Variants in FAM83A observed in about 807,000 individuals in gnomAD.
FAM83A encodes the protein scaffolding CK1 anchoring protein A.
A neutral mutation model predicts 24.4 loss-of-function variants in FAM83A; 21 were observed. The observed-to-expected ratio is 0.86, with a 90% confidence interval of 0.61 to 1.24. FAM83A has a LOEUF of 1.24. Ranked by LOEUF, FAM83A falls within the 50% of genes most tolerant of loss-of-function variation. The pLI, the probability that FAM83A is intolerant of heterozygous loss-of-function variation, is 0.00. For synonymous variants in FAM83A, 270 were observed against 252.4 expected, an observed-to-expected ratio of 1.07 and a Z score of -0.66; for missense variants, 617 against 579.8, an observed-to-expected ratio of 1.06 and a Z score of -0.66.
intron 3 of FAM83A, 41 bp from the exon 4 acceptor site, chr8:123,207,116 C>G: frequency 1.3e-6 from 1 of 782,468 alleles, no homozygotes; most frequent in Non-Finnish European, 1.8e-6. Context: ...CCCCATCCTT[C>G]CCCCTTCTCC....
At position 123,193,450 on chromosome 8, in the gene FAM83A, CT is replaced by C. The variant is rs369184825; in HGVS notation, c.649-565del. Among the ~76,000 whole-genome samples the C allele has an allele frequency of 3.9e-3, 593 of 151,452 alleles. 5 individuals carry two copies. The highest frequency in any genetic ancestry group is 0.02 in the South Asian group (94 of 4,786). ...GCCTTATTTGAATTCTACCACCTTC[CT>C]TTTTTTTTGTTGCCAGCTGATGCCA... On this transcript the variant is annotated intron_variant, in intron 2 of 3. Transcript: ENST00000690554.
At chr8:123,181,147 A>T (rs1453573342), upstream of FAM83A, among the ~76,000 whole-genome samples, 1 of 152,130 alleles carries the variant, frequency 6.6e-6, no homozygotes, top group East Asian at 1.9e-4. Flanking sequence ...GTGTTTCATC[A>T]TGTTGGCCAG....
At position 123,195,649 on chromosome 8, in the gene FAM83A, G is replaced by A. The variant is rs924561362; in HGVS notation, c.773+1501G>A. Among the ~76,000 whole-genome samples the A allele has an allele frequency of 1.5e-4, 23 of 152,292 alleles. 1 individual carries two copies. Among genetic ancestry groups the A allele is most frequent in the African/African-American group, 5.5e-4 (23 of 41,558 alleles). ...AGGCTGGGAAGTCCTAGGTCAAGGT[G>A]TGGGCAGATTCAGTGCCTGGGGAAG... On this transcript the variant is annotated intron_variant, in intron 3 of 3. Coordinates refer to ENST00000690554, the Ensembl canonical transcript of FAM83A.
At chr8:123,180,111 A>G (rs965585836), upstream of FAM83A, 1 of 152,174 alleles carries the variant, frequency 6.6e-6, no homozygotes, top group Admixed American at 6.5e-5. Flanking sequence ...AATGAGGACT[A>G]ATAATCCATT....
chr8:123,207,879 C>T (rs2069036884), exon 4 of FAM83A: 1 of 1,379,044 alleles, frequency 7.3e-7, no homozygotes, highest in Non-Finnish European at 9.3e-7. Context: ...GGGTTCCCCG[C>T]TCTAGTTTGA....
intron 3 of FAM83A, among the ~76,000 whole-genome samples, chr8:123,205,458 C>T (rs1824517187): frequency 6.6e-6 from 1 of 152,192 alleles, no homozygotes; most frequent in Non-Finnish European, 1.5e-5. Context: ...GGGTGGTTCC[C>T]GGCGGGAGGT....
At chr8:123,195,640 G>T (rs1824123473) in intron 3 of FAM83A, among the ~76,000 whole-genome samples, 1 of 152,164 alleles carries the variant, frequency 6.6e-6, no homozygotes, top group Non-Finnish European at 1.5e-5. Context: ...GGAAGTCCTA[G>T]GTCAAGGTGT....
At chr8:123,182,681 A>G in exon 1 of FAM83A, 1 of 943,762 alleles carries the variant, frequency 1.1e-6, no homozygotes, top group Non-Finnish European at 1.7e-6. Context: ...TCTGAGAAGC[A>G]TTGCTCAGGA....
At chr8:123,182,526 C>T (rs1258682784), upstream of FAM83A, 1 of 526,206 alleles carries the variant, frequency 1.9e-6, no homozygotes, top group African/African-American at 1.9e-5. Context: ...AGCCGGCTCA[C>T]CTTCGCCTCC....
intron 1 of FAM83A, among the ~76,000 whole-genome samples, chr8:123,186,667 T>A (rs1823811535): frequency 6.6e-6 from 1 of 152,058 alleles, no homozygotes; most frequent in African/African-American, 2.4e-5. Flanking sequence ...CCGTCCCTAC[T>A]AAAAATACAA....
exon 4 of FAM83A, chr8:123,207,454 C>A: frequency 6.3e-7 from 1 of 1,595,676 alleles, no homozygotes; most frequent in Non-Finnish European, 8.5e-7. Context: ...GGCCCTGTAG[C>A]CCCGCGGCCC....
chr8:123,187,443 G>A (rs542474934), intron 1 of FAM83A, among the ~76,000 whole-genome samples: 1 of 152,322 alleles, frequency 6.6e-6, no homozygotes, highest in South Asian at 2.1e-4. Context: ...AGGTGAAGGT[G>A]CGGACATCAG....
exon 4 of FAM83A, chr8:123,208,366 C>T: frequency 1.0e-6 from 1 of 985,650 alleles, no homozygotes; most frequent in African/African-American, 1.7e-5. Context: ...TTGGACAAGG[C>T]AGGTTAGTAG....
chr8:123,198,370 T>C (rs893625911), intron 3 of FAM83A, among the ~76,000 whole-genome samples: 2 of 152,106 alleles, frequency 1.3e-5, no homozygotes, highest in African/African-American at 4.8e-5. Flanking sequence ...AACACAGGCA[T>C]TTGGAAACAA....
intron 3 of FAM83A, chr8:123,202,501 C>T (rs540481735): frequency 3.3e-5 from 5 of 152,924 alleles, no homozygotes; most frequent in African/African-American, 7.2e-5. Context: ...CTTGATTAGC[C>T]GAGATTGTAA....
At chr8:123,205,134 GAAAA>G (rs1170819292) in intron 3 of FAM83A, among the ~76,000 whole-genome samples, 1 of 151,350 alleles carries the variant, frequency 6.6e-6, no homozygotes, top group Non-Finnish European at 1.5e-5. Flanking sequence ...TAAAAGAAAA[GAAAA>G]AAAAAGCTAA....
chr8:123,195,420 C>T, intron 3 of FAM83A, among the ~76,000 whole-genome samples: 1 of 152,168 alleles, frequency 6.6e-6, no homozygotes, highest in East Asian at 1.9e-4. Context: ...CGGAAAAACC[C>T]CTACATTTAA....
Position 123,203,907 on chromosome 8 carries a change from A to G in FAM83A, c.774-3250A>G, listed in dbSNP as rs577576077. 1.1e-3 allele frequency among the ~76,000 whole-genome samples: 161 copies of G among 150,512 alleles called. 1 individual carries two copies. Among genetic ancestry groups the G allele is most frequent in the Middle Eastern group, 3.4e-3 (1 of 292 alleles). On this transcript the variant is annotated intron_variant, in intron 3 of 3. Transcript: ENST00000690554. ...AGGAGGCAGAGGTTGCAGTGAGCCG[A>G]GATCACGCCACTGCACTCCAGCCTG...
rs1824666438 is a variant in FAM83A, at chr8:123,209,467, A to T, written c.*1779A>T. ...AAACAAAACAAAAACAAAAAAACAA[A>T]CAACACTTTGGTTCCTGATGGCTTT... On this transcript the variant is annotated 3_prime_UTR_variant, in exon 4 of 4. Coordinates refer to ENST00000690554, the Ensembl canonical transcript of FAM83A. The surrounding 1 kb of genome is among the most constrained non-coding windows in gnomAD (Gnocchi z 4.7). The T allele has an allele frequency of 2.5e-6, 4 of 1,614,076 alleles. No individual in the cohort carries two copies. The African/African-American group carries it at 5.3e-5, about 22-fold the overall frequency.
Sources: allele counts gnomAD v4.1 joint callset (sites outside exome capture counted in the v4.1 genomes callset), GRCh38; gene constraint gnomAD v4.1.1; non-coding constraint Gnocchi (gnomAD v3.1); transcripts MANE v1.5; gene names NCBI Gene and HGNC (gene_info 2026-07-23, HGNC 2026-07-21).